The following CCDC66 variants were observed in gnomAD, a reference collection of about 807,000 sequenced individuals.
The protein encoded by CCDC66 is coiled-coil domain containing 66.
Under a neutral mutation model 128.3 loss-of-function variants are expected in CCDC66, and 133 were observed. The observed-to-expected ratio is 1.04, with a 90% CI of 0.90 to 1.20. The LOEUF (loss-of-function observed/expected upper bound fraction) is 1.20, where lower values mean the gene tolerates loss of function less well. Among genes scored for constraint, CCDC66 ranks in the 50% most tolerant of loss-of-function variants. The pLI is 0.00. For missense variants in CCDC66, 1,126 were observed against 1,075.5 expected (o/e 1.05, Z -0.66); for synonymous variants, 387 against 357.0 (o/e 1.08, Z -0.95).
intron 11 of CCDC66, 97 bp downstream of exon 11, chr3:56,613,847 C>T: frequency 6.2e-6 from 6 of 969,432 alleles, no homozygotes; most frequent in Non-Finnish European, 9.4e-6. Context: ...GTGGTGCAAT[C>T]ATAGCTCACT....
chr3:56,569,418 A>G (rs2107825756), intron 6 of CCDC66: 5 of 231,196 alleles, frequency 2.2e-5, no homozygotes, highest in Middle Eastern at 6.8e-4. Context: ...GGCATTTTAC[A>G]TGGCAAGAGA....
In CCDC66 at chr3:56,621,757, G is replaced by T; in HGVS notation, c.*139G>T. 9.8e-5 allele frequency: 29 copies of T among 296,188 alleles called. No homozygotes were observed. The highest frequency in any genetic ancestry group is 1.3e-3 in the Middle Eastern group (1 of 758). The allele number at this position is 296,188 out of a possible 1,614,324, so 18.3% of individuals were successfully genotyped here. ...TCATTAAAAACTTGTATACTATGTA[G>T]TAAAATGCTGTACTTGTTCTATACA... is the stretch of plus-strand genomic sequence containing the variant. On this transcript the variant is annotated 3_prime_UTR_variant, in exon 18 of 18. Transcript: ENST00000394672.
Position 56,621,568 on chromosome 3 carries a change from CTCCTG to C in CCDC66, c.2798_2802del (p.Leu933ProfsTer4). On this transcript the variant is annotated frameshift_variant, in exon 18 of 18. Coordinates refer to ENST00000394672, the MANE Select transcript of CCDC66 (RefSeq NM_001141947.3). LOFTEE classifies it high-confidence loss of function. ...GAAGCAAAAGGAGTTGGAAAGTAGT[CTCCTG>C]CCTTTAGCTGAAAATCAAGAAGAGA... The C allele has an allele frequency of 6.2e-7, 1 of 1,602,614 alleles. No homozygotes were observed. Among genetic ancestry groups the C allele is most frequent in the Non-Finnish European group, 8.5e-7 (1 of 1,175,118 alleles).
chr3:56,566,746 C>CA lies in CCDC66; in HGVS notation c.703dup (p.Ile235AsnfsTer6), dbSNP rs1211817973. ...TCAGGAGACATCTAAACAGTGTGAGCAAAAAATTGCCATGTATGTAACTCC... is the reference window on the plus strand; with the variant it reads ...TCAGGAGACATCTAAACAGTGTGAGCAAAAAAATTGCCATGTATGTAACTCC... On this transcript the variant is annotated frameshift_variant, in exon 5 of 18. Coordinates refer to ENST00000394672, the MANE Select transcript of CCDC66 (RefSeq NM_001141947.3). LOFTEE classifies it high-confidence loss of function. 1 of 1,608,190 alleles carries CA rather than the reference C, an allele frequency of 6.2e-7. No homozygotes were observed. The highest frequency in any genetic ancestry group is 8.5e-7 in the Non-Finnish European group (1 of 1,177,670).
rs1034943062 is a variant in CCDC66 at position 56,593,559 on chromosome 3, G to C, written c.1137G>C (p.Gln379His). 3.7e-6 allele frequency: 6 copies of C among 1,614,020 alleles called. No individual in the cohort carries two copies. The African/African-American group carries it at 6.7e-5, about 18-fold the overall frequency. ...AGAGTTATCCTGGTTCTCAATCTCA[G>C]CTGTTCTCTCAGTCAACACACAAAC... ...SLKSYPGSQS[Q>H]LFSQSTHKQP... Residue 379 changes from glutamine to histidine, a missense_variant, in exon 9 of 18, where the codon CAG becomes CAC. Coordinates refer to ENST00000394672, the MANE Select transcript of CCDC66 (RefSeq NM_001141947.3).
chr3:56,581,956 G>A (rs1480111430), intron 7 of CCDC66, among the ~76,000 whole-genome samples: 1 of 151,886 alleles, frequency 6.6e-6, no homozygotes, highest in Non-Finnish European at 1.5e-5. Context: ...AGACAGGGAC[G>A]TTTAAATCTG....
chr3:56,573,714 G>A (rs1348700052), intron 7 of CCDC66, among the ~76,000 whole-genome samples: 1 of 149,416 alleles, frequency 6.7e-6, no homozygotes, highest in Non-Finnish European at 1.5e-5. Flanking sequence ...GCTGGTTTCT[G>A]TTTAGCCCTT....
At chr3:56,605,597 G>A (rs1461269051) in intron 10 of CCDC66, among the ~76,000 whole-genome samples, 1 of 152,060 alleles carries the variant, frequency 6.6e-6, no homozygotes, top group Admixed American at 6.6e-5. Context: ...ATCACCAGCA[G>A]AGGCTGCAGA....
intron 3 of CCDC66, among the ~76,000 whole-genome samples, chr3:56,563,130 G>A (rs2065323197): frequency 6.6e-6 from 1 of 151,848 alleles, no homozygotes; most frequent in East Asian, 2.0e-4. Flanking sequence ...GGAGGCCAAG[G>A]CAGGTGGATC....
chr3:56,609,308 G>A (rs940621808), intron 10 of CCDC66, among the ~76,000 whole-genome samples: 6 of 152,272 alleles, frequency 3.9e-5, no homozygotes, highest in African/African-American at 1.4e-4. Flanking sequence ...GGATTGTGAT[G>A]TTCTCCTGTT....
At chr3:56,562,086 G>A (rs1361794137) in intron 3 of CCDC66, among the ~76,000 whole-genome samples, 4 of 151,358 alleles carry the variant, frequency 2.6e-5, no homozygotes, top group African/African-American at 9.7e-5. Flanking sequence ...CTTTGTCCAG[G>A]CTGGAGTGCA....
chr3:56,613,683 T>TAGCAC lies in CCDC66; in HGVS notation c.1502_1506dup (p.Glu503HisfsTer25). On this transcript the variant is annotated frameshift_variant, in exon 11 of 18. Coordinates refer to ENST00000394672, the MANE Select transcript of CCDC66 (RefSeq NM_001141947.3). LOFTEE classifies it high-confidence loss of function. ...GAAGAACAAGAAGAGGAGCTTCGCTTAGCACAGGAACGTGAAGAGATGCAG... is the reference window on the plus strand; with the variant it reads ...GAAGAACAAGAAGAGGAGCTTCGCTTAGCACAGCACAGGAACGTGAAGAGATGCAG... The TAGCAC allele has an allele frequency of 6.2e-7, 1 of 1,614,124 alleles. No homozygotes were observed. Among genetic ancestry groups the TAGCAC allele is most frequent in the South Asian group, 1.1e-5 (1 of 91,070 alleles).
Position 56,566,993 on chromosome 3 carries a change from G to A in CCDC66, c.754G>A (p.Glu252Lys). The A allele has an allele frequency of 1.9e-6, 3 of 1,614,160 alleles. No homozygotes were observed. Among genetic ancestry groups the A allele is most frequent in the Non-Finnish European group, 2.5e-6 (3 of 1,179,990 alleles). The stretch of plus-strand genomic sequence containing the variant: ...AGCTGATATATTCAGTACTCTGGGG[G>A]AAAGGGAATGTGATAGAAGTTCGTT... ...KPADIFSTLG[E>K]RECDRSSLEA... Residue 252 changes from glutamate to lysine, a missense_variant, in exon 6 of 18, where the codon GAA becomes AAA. Transcript: ENST00000394672.
chr3:56,559,259 A>G (rs755105363), intron 2 of CCDC66, among the ~76,000 whole-genome samples: 8 of 152,186 alleles, frequency 5.3e-5, no homozygotes, highest in Non-Finnish European at 8.8e-5. Context: ...AGTTTATAGT[A>G]AGACCACCGT....
chr3:56,617,454 A>AG lies in CCDC66; in HGVS notation c.2186_2187insG (p.Val732SerfsTer15). The AG allele has an allele frequency of 6.2e-7, 1 of 1,613,668 alleles. No homozygotes were observed. The highest frequency in any genetic ancestry group is 8.5e-7 in the Non-Finnish European group (1 of 1,179,772). ...AAACAGCTTCAAAAGCAGAGAGAAG[A>AG]AAAAAAAGTAAGGAGGCAGATGGAA... On this transcript the variant is annotated frameshift_variant, in exon 14 of 18. Transcript: ENST00000394672. LOFTEE classifies it high-confidence loss of function.
chr3:56,567,568 G>A (rs577241499), intron 6 of CCDC66, among the ~76,000 whole-genome samples: 1 of 152,264 alleles, frequency 6.6e-6, no homozygotes, highest in African/African-American at 2.4e-5. Flanking sequence ...TAAAATAAAT[G>A]GCCAGATGGC....
At position 56,608,899 on chromosome 3, in the gene CCDC66, T is replaced by C. The variant is rs563304976; in HGVS notation, c.1405-4690T>C. Among the ~76,000 whole-genome samples, 4 of 152,340 alleles carry C rather than the reference T, an allele frequency of 2.6e-5. No individual in the cohort carries two copies. The South Asian group carries it at 6.2e-4, about 24-fold the overall frequency. ...TCAGGAGCAATTTATTTAATTTCCATGTATTTGTGTGGTTTTGAAGGTTCC... is the reference window on the plus strand; with the variant it reads ...TCAGGAGCAATTTATTTAATTTCCACGTATTTGTGTGGTTTTGAAGGTTCC... On this transcript the variant is annotated intron_variant, in intron 10 of 17. Coordinates refer to ENST00000394672, the MANE Select transcript of CCDC66 (RefSeq NM_001141947.3).
intron 7 of CCDC66, among the ~76,000 whole-genome samples, chr3:56,587,052 T>G (rs1028345658): frequency 1.3e-5 from 2 of 151,782 alleles, no homozygotes; most frequent in African/African-American, 4.8e-5. Context: ...TAAAAAGAGA[T>G]AAGATGCCAA....
chr3:56,557,260 A>AGGGGTAAGCT lies in CCDC66; in HGVS notation c.11+27_11+36dup. ...GTCAGGCCATGAACTTGGGGTAAGC[A>AGGGGTAAGCT]GGGGTAAGCTGGGGTAAGCTGGGGT... On this transcript the variant is annotated splice_region_variant and intron_variant, in intron 1 of 17. Coordinates refer to ENST00000394672, the MANE Select transcript of CCDC66 (RefSeq NM_001141947.3). The AGGGGTAAGCT allele has an allele frequency of 1.9e-4, 298 of 1,549,354 alleles. No homozygotes were observed. Among genetic ancestry groups the AGGGGTAAGCT allele is most frequent in the Middle Eastern group, 1.0e-3 (6 of 5,984 alleles).
Sources: allele counts gnomAD v4.1 joint callset (sites outside exome capture counted in the v4.1 genomes callset), GRCh38; gene constraint gnomAD v4.1.1; transcripts MANE v1.5; gene names NCBI Gene and HGNC (gene_info 2026-07-23, HGNC 2026-07-21).